ERICH1: variants seen among roughly 807,000 people sequenced by gnomAD.
The protein encoded by ERICH1 is glutamate rich 1, also known as glutamate-rich protein 1.
Under a neutral mutation model 39.6 loss-of-function variants are expected in ERICH1, and 56 were observed. The observed-to-expected ratio is 1.41, with a 90% CI of 1.14 to 1.77. The LOEUF is 1.77. Among genes scored for constraint, ERICH1 ranks in the 40% most tolerant of loss-of-function variants. The pLI, the probability that ERICH1 is intolerant of heterozygous loss-of-function variation, is 0.00. For missense variants in ERICH1, 826 were observed against 575.4 expected (o/e 1.44, Z -4.45); for synonymous variants, 313 against 223.6 (o/e 1.40, Z -3.57).
intron 2 of ERICH1, among the ~76,000 whole-genome samples, chr8:705,726 C>G (rs952556899): frequency 6.6e-6 from 1 of 152,154 alleles, no homozygotes; most frequent in Non-Finnish European, 1.5e-5. Context: ...GGCATCCAGA[C>G]TGGACAGGGA....
At chr8:708,692 T>TTTTTTTTTG (rs1813960103) in intron 2 of ERICH1, among the ~76,000 whole-genome samples, 2 of 17,686 alleles carry the variant, frequency 1.1e-4, no homozygotes, top group African/African-American at 2.5e-4. Context: ...TTTTTTTTTT[T>TTTTTTTTTG]TTTTTTTTTT....
chr8:702,802 G>C (rs913604563), intron 2 of ERICH1, among the ~76,000 whole-genome samples: 2 of 152,242 alleles, frequency 1.3e-5, no homozygotes, highest in African/African-American at 4.8e-5. Context: ...GATGGACGCA[G>C]AGGGGCAGGG....
chr8:689,424 T>G (rs1808403604), intron 3 of ERICH1, among the ~76,000 whole-genome samples: 1 of 152,236 alleles, frequency 6.6e-6, no homozygotes, highest in African/African-American at 2.4e-5. Flanking sequence ...CCTATGATCT[T>G]GACTTGATGT....
At chr8:717,275 T>A (rs183905699) in intron 1 of ERICH1, among the ~76,000 whole-genome samples, 67 of 152,294 alleles carry the variant, frequency 4.4e-4, no homozygotes, top group Non-Finnish European at 7.9e-4. Context: ...CCATACGCTA[T>A]ATTTTGAATA....
chr8:695,009 C>T (rs753228725), intron 2 of ERICH1, among the ~76,000 whole-genome samples: 26 of 152,102 alleles, frequency 1.7e-4, no homozygotes, highest in Non-Finnish European at 2.9e-4. Flanking sequence ...CAGCATCCCT[C>T]GGGAAAGGCA....
intron 3 of ERICH1, among the ~76,000 whole-genome samples, chr8:636,753 G>C (rs1798470691): frequency 6.6e-6 from 1 of 152,268 alleles, no homozygotes; most frequent in African/African-American, 2.4e-5. Flanking sequence ...TCGGCAGGCA[G>C]CTCCCTGATG....
intron 3 of ERICH1, chr8:691,143 C>CT (rs961071335): frequency 6.7e-6 from 1 of 148,444 alleles, no homozygotes; most frequent in African/African-American, 2.5e-5. Context: ...AGAGGGTGGG[C>CT]TTTGCTGTCT....
downstream of ERICH1, among the ~76,000 whole-genome samples, chr8:663,791 G>C (rs528621777): frequency 6.6e-6 from 1 of 150,920 alleles, no homozygotes; most frequent in Non-Finnish European, 1.5e-5. Context: ...CTGGAGTCTC[G>C]CTCTGTCGCC....
intron 3 of ERICH1, among the ~76,000 whole-genome samples, chr8:623,927 T>C (rs545411355): frequency 9.9e-4 from 151 of 152,292 alleles, no homozygotes; most frequent in African/African-American, 3.6e-3. Flanking sequence ...TAAAACTTTT[T>C]TGTTGCAAAT....
chr8:647,106 G>A lies in ERICH1; in HGVS notation c.976+21492C>T, dbSNP rs1461499703. 8.9e-5 allele frequency among the ~76,000 whole-genome samples: 6 copies of A among 67,326 alleles called. 2 individuals are homozygous for A. The East Asian group carries it at 1.8e-3, about 20-fold the overall frequency. The allele number at this position is 67,326 out of a possible 152,430, so 44.2% of individuals were successfully genotyped here. ...GGTAGCCTGTCCACGCAGGTGGCGGGAGTCATGCTCAGGCCCTTGGCGCGC... is the reference window on the plus strand; with the variant it reads ...GGTAGCCTGTCCACGCAGGTGGCGGAAGTCATGCTCAGGCCCTTGGCGCGC... On this transcript the variant is annotated intron_variant, in intron 3 of 3. Coordinates refer to the ERICH1 transcript ENST00000522706.
chr8:702,316 G>C (rs888089992), intron 2 of ERICH1, among the ~76,000 whole-genome samples: 2 of 152,120 alleles, frequency 1.3e-5, no homozygotes, highest in South Asian at 2.1e-4. Flanking sequence ...TGTATTAACC[G>C]GGGCCTGGAG....
At chr8:638,524 A>T (rs182964051) in intron 3 of ERICH1, among the ~76,000 whole-genome samples, 4 of 152,248 alleles carry the variant, frequency 2.6e-5, no homozygotes, top group East Asian at 3.9e-4. Context: ...AGTGTGGGTC[A>T]GAACAAGGCC....
Position 674,019 on chromosome 8 carries a change from T to A in ERICH1, c.333A>T (p.Arg111Ser), listed in dbSNP as rs769966376. 4 of 1,568,122 alleles carry A rather than the reference T, an allele frequency of 2.6e-6. No individual in the cohort carries two copies. Among genetic ancestry groups the A allele is most frequent in the Non-Finnish European group, 3.4e-6 (4 of 1,169,936 alleles). ...EDQDPHDQPK[R>S]RRIRKHKSKK... The stretch of plus-strand genomic sequence containing the variant: ...TTGATTTATGCTTCCTAATTCTTCT[T>A]CTCTTTGGCTGGTCATGAGGATCCT... The change falls in exon 4 of 6, where the codon AGA becomes AGT. Residue 111 changes from arginine to serine, a missense_variant. Arg to Ser is a moderately radical substitution (Grantham distance 110, BLOSUM62 -1). Transcript: ENST00000262109.
intron 3 of ERICH1, among the ~76,000 whole-genome samples, chr8:681,779 G>T (rs572628343): frequency 2.0e-4 from 31 of 152,214 alleles, no homozygotes; most frequent in Non-Finnish European, 3.7e-4. Flanking sequence ...GGCCAGCAGA[G>T]ACTGCCCGGC....
chr8:687,878 C>A (rs1807839264), intron 3 of ERICH1, among the ~76,000 whole-genome samples: 1 of 152,130 alleles, frequency 6.6e-6, no homozygotes, highest in Non-Finnish European at 1.5e-5. Flanking sequence ...CGCGCGGAAC[C>A]GGCGCAGGCC....
chr8:664,619 T>G lies in ERICH1; in HGVS notation c.1316A>C (p.Glu439Ala), dbSNP rs1801908655. Reference protein sequence around the residue: ...FSYWITHILPEKSSD With the variant: ...FSYWITHILPAKSSD ...TATTCCATTTTAGTCACTGCTCTTC[T>G]CAGGAAGGATATGTGTGATCCAGTA... Residue 439 changes from glutamate to alanine, a missense_variant, in exon 6 of 6, where the codon GAG (glutamate) becomes GCG (alanine). Physicochemically the swap from Glu to Ala is moderately radical, Grantham distance 107 (BLOSUM62 -1). Transcript: ENST00000262109. 1.2e-5 allele frequency: 20 copies of G among 1,612,412 alleles called. No individual in the cohort carries two copies. The highest frequency in any genetic ancestry group is 1.6e-5 in the Non-Finnish European group (19 of 1,179,460).
intron 1 of ERICH1, among the ~76,000 whole-genome samples, chr8:719,633 T>G (rs2132389767): frequency 1.3e-5 from 2 of 152,360 alleles, no homozygotes; most frequent in East Asian, 3.9e-4. Context: ...CATCCGCTGG[T>G]GGGTCCTGGC....
chr8:694,823 G>C (rs920637390), intron 2 of ERICH1, among the ~76,000 whole-genome samples: 2 of 152,188 alleles, frequency 1.3e-5, no homozygotes, highest in South Asian at 4.1e-4. Context: ...GGAAGAGACC[G>C]GTTACACTTT....
chr8:679,492 C>T (rs1805635142), intron 3 of ERICH1, among the ~76,000 whole-genome samples: 1 of 151,608 alleles, frequency 6.6e-6, no homozygotes, highest in South Asian at 2.1e-4. Flanking sequence ...AGGCCTCCAG[C>T]GTCTCCACTC....
Sources: allele counts gnomAD v4.1 joint callset (sites outside exome capture counted in the v4.1 genomes callset), GRCh38; gene constraint gnomAD v4.1.1; transcripts MANE v1.5; gene names NCBI Gene and HGNC (gene_info 2026-07-23, HGNC 2026-07-21).